The following PLOD2 variants were observed in gnomAD, a reference collection of about 807,000 sequenced individuals.
PLOD2 encodes procollagen-lysine,2-oxoglutarate 5-dioxygenase 2, also known as lysine hydroxylase 2.
A neutral mutation model predicts 101.0 loss-of-function variants in PLOD2; 65 were observed. The observed-to-expected ratio is 0.64, with a 90% CI of 0.53 to 0.79. PLOD2 has a LOEUF of 0.79. PLOD2 is among the 30% of genes least tolerant of loss of function. The pLI is 0.00. For synonymous variants in PLOD2, 314 were observed against 302.9 expected (o/e 1.04, Z -0.38); for missense variants, 909 against 914.6 (o/e 0.99, Z 0.08).
At chr3:146,095,451 GA>G (rs201408410) in intron 7 of PLOD2, among the ~76,000 whole-genome samples, 3 of 151,056 alleles carry the variant, frequency 2.0e-5, no homozygotes, top group South Asian at 2.1e-4. Flanking sequence ...CAACAAACAT[GA>G]AAAAAAAGCT....
At chr3:146,123,823 C>A (rs536343605) in intron 2 of PLOD2, among the ~76,000 whole-genome samples, 1 of 151,912 alleles carries the variant, frequency 6.6e-6, no homozygotes, top group Non-Finnish European at 1.5e-5. Flanking sequence ...GTTTGAGTGG[C>A]ACAGCATTAT....
intron 1 of PLOD2, among the ~76,000 whole-genome samples, chr3:146,142,297 T>C (rs990592518): frequency 6.6e-6 from 1 of 152,116 alleles, no homozygotes; most frequent in Admixed American, 6.6e-5. Context: ...GTTTTCTTTT[T>C]TAATAGAAAT....
intron 1 of PLOD2, among the ~76,000 whole-genome samples, chr3:146,141,491 A>T (rs557414230): frequency 2.6e-4 from 39 of 151,978 alleles, no homozygotes; most frequent in Non-Finnish European, 4.7e-4. Flanking sequence ...TTAACCCCTG[A>T]CTCCACACCA....
intron 1 of PLOD2, among the ~76,000 whole-genome samples, chr3:146,132,746 T>C (rs2030989317): frequency 6.6e-6 from 1 of 152,218 alleles, no homozygotes; most frequent in South Asian, 2.1e-4. Context: ...GAATTTCTAG[T>C]AGCTAGTAAC....
chr3:146,120,500 T>C (rs1346406474), intron 3 of PLOD2, among the ~76,000 whole-genome samples: 3 of 152,118 alleles, frequency 2.0e-5, no homozygotes, highest in Non-Finnish European at 4.4e-5. Context: ...ATGTTAGACC[T>C]GAAACCATAA....
rs1937603580 is a variant in PLOD2, at chr3:146,110,220, C to T, written c.502+65G>A. Reference sequence around the variant, plus strand: ...TTCATATCTAAAGTTACTACATCTACAAAAATGGTTGTTTCATTAGTCTTT... The same window carrying T: ...TTCATATCTAAAGTTACTACATCTATAAAAATGGTTGTTTCATTAGTCTTT... On this transcript the variant is annotated intron_variant, in intron 4 of 19. Transcript: ENST00000282903. 4.8e-5 allele frequency: 67 copies of T among 1,387,868 alleles called. 1 individual carries two copies. In the South Asian group the frequency reaches 7.3e-4, roughly 15 times the overall value. The allele number at this position is 1,387,868 out of a possible 1,614,324, so 86.0% of individuals were successfully genotyped here.
intron 6 of PLOD2, among the ~76,000 whole-genome samples, chr3:146,103,691 A>G (rs1184064672): frequency 3.3e-5 from 5 of 152,110 alleles, no homozygotes; most frequent in African/African-American, 1.2e-4. Context: ...CTCAATTTTT[A>G]TATGTATATT....
chr3:146,148,752 C>T (rs2031917039), intron 1 of PLOD2, among the ~76,000 whole-genome samples: 1 of 152,200 alleles, frequency 6.6e-6, no homozygotes, highest in African/African-American at 2.4e-5. Flanking sequence ...AATATTACAA[C>T]ATCTATATTT....
chr3:146,128,856 A>C (rs2030737916), intron 1 of PLOD2, among the ~76,000 whole-genome samples: 1 of 145,470 alleles, frequency 6.9e-6, no homozygotes, highest in South Asian at 2.2e-4. Flanking sequence ...ATGCTAAAGC[A>C]GCTTCTGAAG....
chr3:146,081,487 A>C (rs999648594), intron 12 of PLOD2, among the ~76,000 whole-genome samples: 1 of 152,180 alleles, frequency 6.6e-6, no homozygotes. Flanking sequence ...GAGTATGGTA[A>C]ACATATATTA....
rs1936554680 is a variant in PLOD2 at position 146,081,880 on chromosome 3, T to A, written c.1233-17A>T. 1.2e-6 allele frequency: 2 copies of A among 1,606,758 alleles called. No homozygotes were observed. Among genetic ancestry groups the A allele is most frequent in the Non-Finnish European group, 1.7e-6 (2 of 1,174,262 alleles). ...ATGATCTTTCTAAAGACAGAGAGAG[T>A]GTGTGTGAGAGAGAGAAACCTATAT... is the stretch of plus-strand genomic sequence containing the variant. On this transcript the variant is annotated splice_polypyrimidine_tract_variant and intron_variant, in intron 11 of 19. Transcript: ENST00000282903.
At chr3:146,128,999 T>C (rs2030749614) in intron 1 of PLOD2, among the ~76,000 whole-genome samples, 1 of 146,770 alleles carries the variant, frequency 6.8e-6, no homozygotes, top group African/African-American at 2.5e-5. Flanking sequence ...CTTTTATCCA[T>C]ATCTTCTCAA....
intron 1 of PLOD2, among the ~76,000 whole-genome samples, chr3:146,130,924 A>T (rs1559864836): frequency 6.6e-6 from 1 of 152,190 alleles, no homozygotes; most frequent in South Asian, 2.1e-4. Flanking sequence ...TGGTTTCCAG[A>T]TGGTCTTCCA....
At chr3:146,133,558 T>C (rs1187325942) in intron 1 of PLOD2, among the ~76,000 whole-genome samples, 2 of 152,102 alleles carry the variant, frequency 1.3e-5, no homozygotes, top group South Asian at 2.1e-4. Flanking sequence ...CTAAACATGA[T>C]AAGCAGTTAA....
chr3:146,108,333 A>T (rs1937571649), intron 4 of PLOD2, among the ~76,000 whole-genome samples: 1 of 152,052 alleles, frequency 6.6e-6, no homozygotes, highest in East Asian at 1.9e-4. Context: ...GCCATGTGCC[A>T]CCATGCCCAG....
intron 15 of PLOD2, 162 bp from the exon 16 acceptor site, chr3:146,073,514 G>C: frequency 2.9e-6 from 1 of 345,528 alleles, no homozygotes; most frequent in East Asian, 4.4e-5. Flanking sequence ...ATCTTTGCCT[G>C]GTTCTGAATA....
Position 146,160,923 on chromosome 3 carries a change from AGG to A in PLOD2, c.65_66del (p.Pro22LeufsTer16). 6.3e-7 allele frequency: 1 copy of A among 1,598,762 alleles called. No homozygotes were observed. Among genetic ancestry groups the A allele is most frequent in the Non-Finnish European group, 8.5e-7 (1 of 1,173,022 alleles). On this transcript the variant is annotated frameshift_variant, in exon 1 of 20. Coordinates refer to ENST00000282903, the MANE Select transcript of PLOD2 (RefSeq NM_182943.3). LOFTEE classifies it high-confidence loss of function. The stretch of plus-strand genomic sequence containing the variant: ...GGCTTCTCCGAGTCCGCACCCAGAC[AGG>A]GATTCCAGGGGTGGAGGACGAGCGC... ...LLALVLHPWN[P>X]CLGADSEKPS...
At chr3:146,081,978 A>C in intron 11 of PLOD2, 115 bp from the exon 12 acceptor site, 72 of 793,826 alleles carry the variant, frequency 9.1e-5, no homozygotes, top group Non-Finnish European at 1.3e-4. Flanking sequence ...AAGAAAGCTC[A>C]TTCAACAAAC....
chr3:146,081,644 G>T, intron 12 of PLOD2, 94 bp downstream of exon 12: 1 of 1,002,486 alleles, frequency 1.0e-6, no homozygotes, highest in Non-Finnish European at 1.5e-6. Flanking sequence ...ATAAAGAAAA[G>T]AGATGAATGC....
Sources: gnomAD v4.1 joint callset for allele counts (sites outside exome capture counted in the v4.1 genomes callset) on GRCh38, gnomAD v4.1.1 for gene constraint, MANE v1.5 for transcripts, NCBI Gene and HGNC (gene_info 2026-07-23, HGNC 2026-07-21) for gene names.